FGD4: variants seen among roughly 807,000 people sequenced by gnomAD.
FGD4 encodes the protein FYVE, RhoGEF and PH domain-containing protein 4.
A neutral mutation model predicts 102.0 loss-of-function variants in FGD4; 42 were observed. The observed-to-expected ratio is 0.41, with a 90% CI of 0.32 to 0.53. The LOEUF is 0.53. FGD4 is among the 20% of genes least tolerant of loss of function. FGD4 has a pLI of 0.21. For synonymous variants in FGD4, 380 were observed against 375.7 expected (o/e 1.01, Z -0.13); for missense variants, 902 against 1,078.2 (o/e 0.84, Z 2.29).
At chr12:32,483,845 A>G (rs907152298) in intron 1 of FGD4, among the ~76,000 whole-genome samples, 3 of 152,194 alleles carry the variant, frequency 2.0e-5, no homozygotes, top group African/African-American at 7.2e-5. Flanking sequence ...TTTGGAAAGC[A>G]TTAGCCCTCA....
chr12:32,624,520 C>T lies in FGD4; in HGVS notation c.1953+68C>T, dbSNP rs913750719. 1.1e-5 allele frequency: 14 copies of T among 1,314,258 alleles called. No individual in the cohort carries two copies. In the East Asian group the frequency reaches 2.9e-4, roughly 28 times the overall value. 81.4% of individuals were successfully genotyped at this position (1,314,258 alleles called of 1,614,324 possible). A position where few individuals can be genotyped will look rare whatever the true frequency, so the allele number is the denominator to read the frequency against. The stretch of plus-strand genomic sequence containing the variant: ...AGGCAGAGTCTCACTCTCACCCAGT[C>T]TGGAGTGCAGTGGTGTGATCATGTC... On this transcript the variant is annotated intron_variant, in intron 12 of 16. Coordinates refer to ENST00000534526, the MANE Select transcript of FGD4 (RefSeq NM_001370298.3).
At chr12:32,583,230 G>A (rs1170359256) in intron 4 of FGD4, among the ~76,000 whole-genome samples, 3 of 152,118 alleles carry the variant, frequency 2.0e-5, no homozygotes, top group Non-Finnish European at 4.4e-5. Flanking sequence ...TCAGCTACTC[G>A]GGAGGCTGAG....
rs747957966 is a variant in FGD4 at position 32,624,927 on chromosome 12, T to C, written c.1954-49T>C. On this transcript the variant is annotated intron_variant, in intron 12 of 16. Transcript: ENST00000534526. ...TTGTTTGATAAAGTATATTCATTGG[T>C]TTATATGAGAAACTTTAATGTGTGC... is the stretch of plus-strand genomic sequence containing the variant. The C allele has an allele frequency of 1.4e-5, 20 of 1,463,816 alleles. No homozygotes were observed. In the South Asian group the frequency reaches 2.2e-4, roughly 16 times the overall value. 90.7% of individuals were successfully genotyped at this position (1,463,816 alleles called of 1,614,324 possible).
At chr12:32,605,317 C>G (rs1461085756) in intron 7 of FGD4, among the ~76,000 whole-genome samples, 1 of 139,018 alleles carries the variant, frequency 7.2e-6, no homozygotes, top group Non-Finnish European at 1.6e-5. Flanking sequence ...ATCCCCTTCA[C>G]TCCTTTTTTT....
At chr12:32,520,462 G>A (rs1214431137) in intron 1 of FGD4, among the ~76,000 whole-genome samples, 4 of 145,346 alleles carry the variant, frequency 2.8e-5, no homozygotes, top group Admixed American at 7.0e-5. Context: ...TAGAGATGGA[G>A]TCTCGCTCTG....
At chr12:32,507,496 G>T (rs542275761) in intron 1 of FGD4, among the ~76,000 whole-genome samples, 1 of 152,274 alleles carries the variant, frequency 6.6e-6, no homozygotes, top group South Asian at 2.1e-4. Flanking sequence ...AGAAATAGAG[G>T]AAAGCCAATC....
chr12:32,580,993 T>C (rs1198601304), intron 3 of FGD4, among the ~76,000 whole-genome samples: 1 of 151,970 alleles, frequency 6.6e-6, no homozygotes, highest in African/African-American at 2.4e-5. Flanking sequence ...CAAGCAGTAA[T>C]AAGGACTTTA....
chr12:32,456,552 G>A (rs1015516801), intron 1 of FGD4, among the ~76,000 whole-genome samples: 4 of 152,094 alleles, frequency 2.6e-5, no homozygotes, highest in Admixed American at 2.0e-4. Flanking sequence ...AAAGTAACTC[G>A]TGGGAGGATT....
chr12:32,436,058 C>T (rs1292112599), intron 1 of FGD4, among the ~76,000 whole-genome samples: 2 of 152,098 alleles, frequency 1.3e-5, no homozygotes, highest in African/African-American at 4.8e-5. Context: ...CACAGAATGA[C>T]GATTTCATTT....
At chr12:32,590,185 A>G (rs982854439) in intron 4 of FGD4, among the ~76,000 whole-genome samples, 9 of 151,742 alleles carry the variant, frequency 5.9e-5, no homozygotes, top group Non-Finnish European at 1.2e-4. Flanking sequence ...GCAGGCGCCT[A>G]TAATCCCAGC....
chr12:32,627,768 T>C (rs1361023444), intron 14 of FGD4, among the ~76,000 whole-genome samples: 1 of 151,974 alleles, frequency 6.6e-6, no homozygotes, highest in African/African-American at 2.4e-5. Context: ...AGAAAAACAC[T>C]GGAAGAGAAG....
chr12:32,639,023 T>C (rs1951011638), intron 16 of FGD4: 1 of 1,241,194 alleles, frequency 8.1e-7, no homozygotes, highest in Admixed American at 3.3e-5. Flanking sequence ...CTTGTCTCAT[T>C]CAATGGGTTT....
chr12:32,580,743 C>T (rs1049321131), intron 3 of FGD4, among the ~76,000 whole-genome samples: 5 of 151,970 alleles, frequency 3.3e-5, no homozygotes, highest in African/African-American at 4.8e-5. Flanking sequence ...AAAAATTAGC[C>T]GGGCGTGGTG....
chr12:32,466,854 C>T (rs1190594871), intron 1 of FGD4, among the ~76,000 whole-genome samples: 11 of 122,578 alleles, frequency 9.0e-5, no homozygotes, highest in African/African-American at 2.7e-4. Context: ...GGCAACACAG[C>T]GAGAGTCTGT....
Position 32,486,990 on chromosome 12 carries a change from A to G in FGD4, c.167-77147A>G, listed in dbSNP as rs773102089. 1.1e-3 allele frequency among the ~76,000 whole-genome samples: 170 copies of G among 152,162 alleles called. 1 individual carries two copies. The highest frequency in any genetic ancestry group is 1.6e-3 in the Non-Finnish European group (107 of 68,034). On this transcript the variant is annotated intron_variant, in intron 1 of 16. Coordinates refer to ENST00000534526, the MANE Select transcript of FGD4 (RefSeq NM_001370298.3). ...ATACTGTTTATGGATTTTGAATTATACTTCTCCCTCTGACCCCCACCATGT... is the reference window on the plus strand; with the variant it reads ...ATACTGTTTATGGATTTTGAATTATGCTTCTCCCTCTGACCCCCACCATGT...
Position 32,641,992 on chromosome 12 carries a change from T to C in FGD4, c.*1459T>C, listed in dbSNP as rs772441004. 3.3e-5 allele frequency: 5 copies of C among 152,160 alleles called. No homozygotes were observed. Among genetic ancestry groups the C allele is most frequent in the Non-Finnish European group, 5.9e-5 (4 of 68,002 alleles). 9.4% of individuals were successfully genotyped at this position (152,160 alleles called of 1,614,324 possible). On this transcript the variant is annotated 3_prime_UTR_variant, in exon 17 of 17. Transcript: ENST00000534526. ...GTCTGCTAGAAATCTACAAGAATGA[T>C]CCCACTATCTTTAGTATGTAAGGAT...
At chr12:32,542,219 T>C (rs914654554) in intron 1 of FGD4, among the ~76,000 whole-genome samples, 2 of 152,200 alleles carry the variant, frequency 1.3e-5, no homozygotes, top group Non-Finnish European at 2.9e-5. Context: ...TGAGGTAGTT[T>C]TAAGCAGATA....
intron 1 of FGD4, among the ~76,000 whole-genome samples, chr12:32,488,238 T>C (rs1264344387): frequency 6.6e-6 from 1 of 152,044 alleles, no homozygotes; most frequent in Non-Finnish European, 1.5e-5. Flanking sequence ...TTGTAAAAAG[T>C]TTCTGTGTCA....
At chr12:32,441,097 G>T (rs1255265211) in intron 1 of FGD4, among the ~76,000 whole-genome samples, 1 of 152,286 alleles carries the variant, frequency 6.6e-6, no homozygotes, top group African/African-American at 2.4e-5. Flanking sequence ...AAGAGTCAGG[G>T]TCTGGAACCA....
Sources: gnomAD v4.1 joint callset for allele counts (sites outside exome capture counted in the v4.1 genomes callset) on GRCh38, gnomAD v4.1.1 for gene constraint, MANE v1.5 for transcripts, NCBI Gene and HGNC (gene_info 2026-07-23, HGNC 2026-07-21) for gene names.